SYNE1: variants seen among roughly 807,000 people sequenced by gnomAD.
The protein encoded by SYNE1 is spectrin repeat containing nuclear envelope protein 1, also known as nesprin-1.
In SYNE1, 616 loss-of-function variants were observed where a neutral mutation model predicts 1,111.0. The ratio of observed to expected loss-of-function variants is 0.55; its 90% CI spans 0.52 to 0.59. The LOEUF is 0.59. SYNE1 is among the 20% of genes least tolerant of loss of function. The probability of loss-of-function intolerance (pLI) is 0.00; values close to 1 mark genes in which losing one functional copy is unlikely to be tolerated. For synonymous variants in SYNE1, 3,855 were observed against 3,825.8 expected, an observed-to-expected ratio of 1.01 and a Z score of -0.28; for missense variants, 10,006 against 10,417.0, an observed-to-expected ratio of 0.96 and a Z score of 1.72.
At chr6:152,355,383 C>T (rs1295383540) in intron 66 of SYNE1, among the ~76,000 whole-genome samples, 1 of 152,174 alleles carries the variant, frequency 6.6e-6, no homozygotes, top group Non-Finnish European at 1.5e-5. Flanking sequence ...ACATTTGTGA[C>T]TGAGAAAGAA....
chr6:152,494,606 A>T (rs1033517838), intron 11 of SYNE1, among the ~76,000 whole-genome samples: 1 of 151,732 alleles, frequency 6.6e-6, no homozygotes, highest in Admixed American at 6.6e-5. Flanking sequence ...TCAGGCCCTC[A>T]CTCTTGCAAA....
chr6:152,391,133 T>C (rs886702320), intron 52 of SYNE1, 144 bp downstream of exon 52: 40 of 1,143,384 alleles, frequency 3.5e-5, no homozygotes, highest in Non-Finnish European at 4.6e-5. Flanking sequence ...TGCCTCTGTA[T>C]CCTTTTTTGC....
rs36070254 is a variant in SYNE1, at chr6:152,429,590, G to T, written c.4788+522C>A. Among the ~76,000 whole-genome samples the T allele has an allele frequency of 4.5e-4, 68 of 152,242 alleles. 1 individual carries two copies. The highest frequency in any genetic ancestry group is 8.2e-4 in the Non-Finnish European group (56 of 68,018). On this transcript the variant is annotated intron_variant, in intron 36 of 145. Coordinates refer to ENST00000367255, the MANE Select transcript of SYNE1 (RefSeq NM_182961.4). ...TTTGTTTATTAATTAATGTACGGTA[G>T]TATTTCTTTGTACGTAATTATCCCC...
rs549920120 is a variant in SYNE1 at position 152,301,796 on chromosome 6, G to A, written c.17541+73C>T. The stretch of plus-strand genomic sequence containing the variant: ...AAGGCTGGTCCCTGAAATCAGCCAC[G>A]GAGAGGGAACATGGAGCCACTCGCC... On this transcript the variant is annotated intron_variant, in intron 92 of 145. Coordinates refer to ENST00000367255, the MANE Select transcript of SYNE1 (RefSeq NM_182961.4). 8.1e-6 allele frequency: 12 copies of A among 1,477,728 alleles called. No homozygotes were observed. The East Asian group carries it at 2.1e-4, about 26-fold the overall frequency. The allele number at this position is 1,477,728 out of a possible 1,614,324, so 91.5% of individuals were successfully genotyped here. A position where few individuals can be genotyped will look rare whatever the true frequency, so the allele number is the denominator to read the frequency against.
Position 152,155,023 on chromosome 6 carries a change from A to G in SYNE1, c.23998T>C (p.Leu8000=), listed in dbSNP as rs752660499. 4 of 1,614,070 alleles carry G rather than the reference A, an allele frequency of 2.5e-6. No individual in the cohort carries two copies. Among genetic ancestry groups the G allele is most frequent in the South Asian group, 1.1e-5 (1 of 91,078 alleles). Residue 8000 remains leucine (L), a synonymous_variant, in exon 133 of 146, where the codon TTG becomes CTG. Transcript: ENST00000367255. The part of the protein sequence containing the change: ...RRLKIEETWR[L]WQKFLDDYSR... ...TAGTCATCCAGAAATTTCTGCCACA[A>G]TCGCCACGTCTCTTCGATTCTGGGG...
chr6:152,537,398 T>C (rs1236400144), intron 4 of SYNE1, among the ~76,000 whole-genome samples: 2 of 152,046 alleles, frequency 1.3e-5, no homozygotes, highest in Non-Finnish European at 2.9e-5. Context: ...TTAGGTTTTT[T>C]TCTTACTTAT....
In SYNE1 at chr6:152,189,333, G is replaced by A; in HGVS notation, c.23220C>T (p.Ala7740=). 1 of 1,614,038 alleles carries A rather than the reference G, an allele frequency of 6.2e-7. No homozygotes were observed. The highest frequency in any genetic ancestry group is 2.2e-5 in the East Asian group (1 of 44,868). The change falls in exon 128 of 146, where the codon GCC becomes GCT. Residue 7740 remains alanine (A), a synonymous_variant. Coordinates refer to ENST00000367255, the MANE Select transcript of SYNE1 (RefSeq NM_182961.4). The part of the protein sequence containing the change: ...QLSLLKDTLS[A]YISADDISIL... ...TGGAGATATCATCAGCACTGATATA[G>A]GCAGAGAGGGTGTCCTTCAGCAGGC...
At chr6:152,376,950 C>G in intron 56 of SYNE1, 38 bp from the exon 57 acceptor site, 1 of 1,610,858 alleles carries the variant, frequency 6.2e-7, no homozygotes, top group Non-Finnish European at 8.5e-7. Context: ...CGAGCACTTA[C>G]ATTGGGTGAT....
chr6:152,381,388 C>T, intron 55 of SYNE1, 26 bp from the exon 56 acceptor site: 1 of 1,607,788 alleles, frequency 6.2e-7, no homozygotes. Flanking sequence ...ACCATGGTAA[C>T]TGAAGAGCCT....
At chr6:152,166,196 C>T (rs1366319239) in intron 130 of SYNE1, among the ~76,000 whole-genome samples, 1 of 152,140 alleles carries the variant, frequency 6.6e-6, no homozygotes, top group Admixed American at 6.5e-5. Context: ...TGGTCTCCTC[C>T]ATGGTAACTT....
intron 6 of SYNE1, among the ~76,000 whole-genome samples, chr6:152,516,956 G>A (rs572331455): frequency 6.6e-6 from 1 of 152,270 alleles, no homozygotes; most frequent in East Asian, 1.9e-4. Flanking sequence ...TGAAGGGTGA[G>A]CAGAAAGAAG....
chr6:152,323,755 T>TA lies in SYNE1; in HGVS notation c.15658-19dup. Reference sequence around the variant, plus strand: ...TTTTTAACCTGATGACAAATGTACATACTATGAAGTTCAATAATAAATAAA... The same window carrying TA: ...TTTTTAACCTGATGACAAATGTACATAACTATGAAGTTCAATAATAAATAAA... On this transcript the variant is annotated intron_variant, in intron 81 of 145. Coordinates refer to ENST00000367255, the MANE Select transcript of SYNE1 (RefSeq NM_182961.4). The TA allele has an allele frequency of 1.1e-5, 18 of 1,613,822 alleles. No homozygotes were observed. Among genetic ancestry groups the TA allele is most frequent in the Non-Finnish European group, 1.4e-5 (17 of 1,179,848 alleles).
Position 152,154,928 on chromosome 6 carries a change from G to C in SYNE1, c.24093C>G (p.Ile8031Met). The change falls in exon 133 of 146, where the codon ATC becomes ATG. Residue 8031 changes from isoleucine to methionine, a missense_variant. Ile to Met is a conservative substitution (Grantham distance 10, BLOSUM62 1). Around this residue, in one of 7 missense-constraint regions of SYNE1, gnomAD observed 2,182 missense variants for 2,287.8 expected, o/e 0.95. Coordinates refer to ENST00000367255, the MANE Select transcript of SYNE1 (RefSeq NM_182961.4). ...TAAFPSSSGV[I>M]YTVAKEELKK... ...TTAGTTCTTCCTTGGCAACTGTATAGATCACCCCAGAAGAGCTGGGAAAAG... is the reference window on the plus strand; with the variant it reads ...TTAGTTCTTCCTTGGCAACTGTATACATCACCCCAGAAGAGCTGGGAAAAG... The C allele has an allele frequency of 6.2e-7, 1 of 1,614,148 alleles. No individual in the cohort carries two copies. The highest frequency in any genetic ancestry group is 8.5e-7 in the Non-Finnish European group (1 of 1,180,032).
At chr6:152,214,113 A>C (rs1055935927) in intron 122 of SYNE1, among the ~76,000 whole-genome samples, 1 of 151,060 alleles carries the variant, frequency 6.6e-6, no homozygotes, top group African/African-American at 2.4e-5. Flanking sequence ...AGACAGGAGA[A>C]TTGCTTGAAC....
At chr6:152,346,682 C>A (rs947583565) in intron 73 of SYNE1, among the ~76,000 whole-genome samples, 3 of 151,868 alleles carry the variant, frequency 2.0e-5, no homozygotes, top group African/African-American at 2.4e-5. Flanking sequence ...TGGTGGCGGG[C>A]GCCTGTAGTC....
At chr6:152,239,412 AGAGCGCAGCTAGTTCT>A in intron 108 of SYNE1, 105 bp downstream of exon 108, 1 of 1,188,842 alleles carries the variant, frequency 8.4e-7, no homozygotes, top group Non-Finnish European at 1.2e-6. Context: ...CCTGAGCCCG[AGAGCGCAGCTAGTTCT>A]GAGGTTATGT....
intron 110 of SYNE1, 114 bp downstream of exon 110, chr6:152,235,993 T>C: frequency 8.4e-7 from 1 of 1,190,788 alleles, no homozygotes. Flanking sequence ...TCCTCCCGTA[T>C]TGGCCACCCA....
chr6:152,268,285 T>C (rs1010672231), intron 99 of SYNE1, 120 bp from the exon 100 acceptor site: 1 of 762,448 alleles, frequency 1.3e-6, no homozygotes, highest in African/African-American at 1.7e-5. Flanking sequence ...AGTTTGCATA[T>C]TGCATAAAGC....
intron 27 of SYNE1, 91 bp from the exon 28 acceptor site, chr6:152,449,732 T>A: frequency 9.7e-7 from 1 of 1,026,470 alleles, no homozygotes; most frequent in Non-Finnish European, 1.5e-6. Flanking sequence ...CATGGAAATT[T>A]AACAATTAAG....
Sources: gnomAD v4.1 joint callset for allele counts (sites outside exome capture counted in the v4.1 genomes callset) on GRCh38, gnomAD v4.1.1 for gene constraint, gnomAD v4.1.1 regional missense constraint, MANE v1.5 for transcripts, NCBI Gene and HGNC (gene_info 2026-07-23, HGNC 2026-07-21) for gene names.